GALNT9: variants seen among roughly 807,000 people sequenced by gnomAD.
The protein encoded by GALNT9 is GalNAc transferase 9.
Under a neutral mutation model 63.1 loss-of-function variants are expected in GALNT9, and 47 were observed. The observed-to-expected ratio is 0.75, with a 90% CI of 0.59 to 0.95. The LOEUF (loss-of-function observed/expected upper bound fraction) is 0.95. Ranked by LOEUF, GALNT9 falls within the 40% of genes least tolerant of loss-of-function variation. The pLI, the probability that GALNT9 is intolerant of heterozygous loss-of-function variation, is 0.00. For missense variants in GALNT9, 829 were observed against 874.8 expected, an observed-to-expected ratio of 0.95 and a Z score of 0.66; for synonymous variants, 396 against 365.7, an observed-to-expected ratio of 1.08 and a Z score of -0.94.
chr12:132,260,000 G>A (rs552063463), intron 4 of GALNT9, among the ~76,000 whole-genome samples: 3 of 70,456 alleles, frequency 4.3e-5, no homozygotes, highest in African/African-American at 6.5e-5. Flanking sequence ...TGGGTGCGGG[G>A]AACACACCCT....
At chr12:132,244,961 C>T (rs1249088903) in intron 6 of GALNT9, among the ~76,000 whole-genome samples, 3 of 150,602 alleles carry the variant, frequency 2.0e-5, no homozygotes, top group Non-Finnish European at 3.0e-5. Context: ...ACTTTCAAGC[C>T]CCCAGGACGG....
rs145193064 is a variant in GALNT9, at chr12:132,296,290, G to A, written c.239-9860C>T. Among the ~76,000 whole-genome samples, 170 of 152,360 alleles carry A rather than the reference G, an allele frequency of 1.1e-3. 1 individual carries two copies. Among genetic ancestry groups the A allele is most frequent in the Non-Finnish European group, 2.1e-3 (144 of 68,028 alleles). Reference sequence around the variant, plus strand: ...GATGACCGCACAGCCTCATGCTCACGCCAGCCGTCCAGCCCACTCAGACCA... The same window carrying A: ...GATGACCGCACAGCCTCATGCTCACACCAGCCGTCCAGCCCACTCAGACCA... On this transcript the variant is annotated intron_variant, in intron 1 of 10. Coordinates refer to ENST00000328957, the MANE Select transcript of GALNT9 (RefSeq NM_001122636.2). The surrounding 1 kb of genome is among the most constrained non-coding windows in gnomAD (Gnocchi z 4.2).
chr12:132,206,164 C>G (rs1470188812), intron 6 of GALNT9: 1 of 148,736 alleles, frequency 6.7e-6, no homozygotes, highest in African/African-American at 2.7e-5. Context: ...GAACACGAAG[C>G]CCCCCAGGGC....
rs77808030 is a variant in GALNT9 at position 132,298,438 on chromosome 12, T to A, written c.239-12008A>T. Among the ~76,000 whole-genome samples the A allele has an allele frequency of 4.8e-3, 727 of 150,352 alleles. 5 individuals carry two copies. The highest frequency in any genetic ancestry group is 7.7e-3 in the Non-Finnish European group (524 of 67,768). On this transcript the variant is annotated intron_variant, in intron 1 of 10. Transcript: ENST00000328957. ...CCACTCCTGAGATAATCCACTCCTA[T>A]AACTAACCTGCTCCCACCATACCTA...
chr12:132,201,657 G>T (rs1360309718), intron 7 of GALNT9, among the ~76,000 whole-genome samples: 1 of 152,200 alleles, frequency 6.6e-6, no homozygotes. Context: ...GACCAGCCTG[G>T]TGAGGACCCT....
At chr12:132,254,995 A>G (rs1054121332) in intron 5 of GALNT9, among the ~76,000 whole-genome samples, 2 of 152,236 alleles carry the variant, frequency 1.3e-5, no homozygotes, top group African/African-American at 4.8e-5. Flanking sequence ...TTTCAAAAAG[A>G]GTAGAAATCA....
At chr12:132,299,383 C>T (rs956970655) in intron 1 of GALNT9, among the ~76,000 whole-genome samples, 1 of 133,590 alleles carries the variant, frequency 7.5e-6, no homozygotes, top group African/African-American at 2.9e-5. Flanking sequence ...TCCCACCACA[C>T]CTAACCCATC....
chr12:132,285,731 C>T (rs1555242076), intron 2 of GALNT9, among the ~76,000 whole-genome samples: 1 of 152,238 alleles, frequency 6.6e-6, no homozygotes, highest in Non-Finnish European at 1.5e-5. Context: ...GCCCAGCTTC[C>T]GTGATCCCCA....
chr12:132,295,765 C>T (rs953939530), intron 1 of GALNT9, among the ~76,000 whole-genome samples: 4 of 149,212 alleles, frequency 2.7e-5, no homozygotes, highest in Admixed American at 1.3e-4. Context: ...CTCCGAACAG[C>T]GAGAGCTTCC....
In GALNT9 at chr12:132,297,424, C is replaced by A. The variant is rs577031413; in HGVS notation, c.239-10994G>T. ...CACTCCTACAATAACCAACTCACTCCTGAGACAATAAAGCCGCTCCCGAGA... is the reference window on the plus strand; with the variant it reads ...CACTCCTACAATAACCAACTCACTCATGAGACAATAAAGCCGCTCCCGAGA... On this transcript the variant is annotated intron_variant, in intron 1 of 10. Transcript: ENST00000328957. 1.5e-3 allele frequency among the ~76,000 whole-genome samples: 233 copies of A among 151,964 alleles called. 1 individual carries two copies. The highest frequency in any genetic ancestry group is 5.3e-3 in the African/African-American group (220 of 41,432).
chr12:132,266,090 G>A (rs1197339950), intron 2 of GALNT9, among the ~76,000 whole-genome samples: 1 of 148,910 alleles, frequency 6.7e-6, no homozygotes, highest in Admixed American at 6.6e-5. Context: ...TTACACGCCC[G>A]ATCTCGCCGT....
At chr12:132,248,060 G>A (rs1035571621) in intron 5 of GALNT9, 33 bp from the exon 6 acceptor site, 14 of 1,530,838 alleles carry the variant, frequency 9.1e-6, no homozygotes, top group South Asian at 3.8e-5. Context: ...TGAGGACCTC[G>A]CCATGCAGGC....
chr12:132,249,322 G>A (rs536674364), intron 5 of GALNT9, among the ~76,000 whole-genome samples: 4 of 152,274 alleles, frequency 2.6e-5, no homozygotes, highest in East Asian at 1.9e-4. Context: ...GTATCAACGC[G>A]TTCTTCCATA....
intron 6 of GALNT9, among the ~76,000 whole-genome samples, chr12:132,230,741 G>C (rs1007853904): frequency 1.3e-5 from 2 of 152,230 alleles, no homozygotes; most frequent in Non-Finnish European, 1.5e-5. Context: ...GCTGGCTGAC[G>C]TGTGATAGCC....
intron 6 of GALNT9, among the ~76,000 whole-genome samples, chr12:132,228,606 CG>C: frequency 6.6e-6 from 1 of 152,216 alleles, no homozygotes; most frequent in South Asian, 2.1e-4. Context: ...GCCACCCCCC[CG>C]GCCCCAGACG....
chr12:132,215,444 T>TA (rs1877145515), intron 6 of GALNT9, among the ~76,000 whole-genome samples: 1 of 152,216 alleles, frequency 6.6e-6, no homozygotes, highest in Admixed American at 6.5e-5. Context: ...TGAGGCTGTT[T>TA]GTGTGCTGGC....
intron 5 of GALNT9, among the ~76,000 whole-genome samples, chr12:132,251,166 T>G (rs1370516969): frequency 6.6e-6 from 1 of 152,210 alleles, no homozygotes; most frequent in Admixed American, 6.5e-5. Flanking sequence ...CATGGAAACA[T>G]CACCCGAGAG....
At chr12:132,290,382 C>T (rs1401960646) in intron 1 of GALNT9, among the ~76,000 whole-genome samples, 2 of 152,260 alleles carry the variant, frequency 1.3e-5, no homozygotes, top group African/African-American at 4.8e-5. Flanking sequence ...TGGGAGTAAG[C>T]GAGGCCGTCC....
intron 2 of GALNT9, chr12:132,283,703 TG>T (rs1417179256): frequency 6.6e-6 from 1 of 152,132 alleles, no homozygotes; most frequent in African/African-American, 2.4e-5. Flanking sequence ...TGGCCTCGCT[TG>T]GCACGTGTTG....
Sources: allele counts gnomAD v4.1 joint callset (sites outside exome capture counted in the v4.1 genomes callset), GRCh38; gene constraint gnomAD v4.1.1; non-coding constraint Gnocchi (gnomAD v3.1); transcripts MANE v1.5; gene names NCBI Gene and HGNC (gene_info 2026-07-23, HGNC 2026-07-21).